Variants in SCARB1 observed in about 807,000 individuals in gnomAD.
The protein encoded by SCARB1 is CD36 and LIMPII analogous 1.
In SCARB1, 30 loss-of-function variants were observed where a neutral mutation model predicts 57.2. The observed-to-expected ratio is 0.52, with a 90% CI of 0.39 to 0.71. The LOEUF is 0.71. SCARB1 is among the 30% of genes least tolerant of loss of function. The pLI is 0.00. For synonymous variants in SCARB1, 249 were observed against 268.3 expected (o/e 0.93, Z 0.70); for missense variants, 543 against 671.2 (o/e 0.81, Z 2.11).
At chr12:124,840,809 C>T (rs1463884064) in intron 1 of SCARB1, among the ~76,000 whole-genome samples, 1 of 152,194 alleles carries the variant, frequency 6.6e-6, no homozygotes, top group Non-Finnish European at 1.5e-5. Context: ...ACCATCTTCT[C>T]TGCCTCCCCG....
intron 1 of SCARB1, among the ~76,000 whole-genome samples, chr12:124,829,634 C>G (rs1951307458): frequency 6.6e-6 from 1 of 152,350 alleles, no homozygotes; most frequent in African/African-American, 2.4e-5. Flanking sequence ...TGCACTGACT[C>G]TTTGCTCCTC....
chr12:124,780,182 G>A (rs1206828400), intron 12 of SCARB1, among the ~76,000 whole-genome samples: 2 of 152,160 alleles, frequency 1.3e-5, no homozygotes, highest in East Asian at 3.8e-4. Context: ...AAAGATCGGT[G>A]AGAAGCTAAG....
Position 124,800,073 on chromosome 12 carries a change from G to A in SCARB1, c.1128+51C>T. The A allele has an allele frequency of 7.4e-7, 1 of 1,358,850 alleles. No homozygotes were observed. The highest frequency in any genetic ancestry group is 1.1e-6 in the Non-Finnish European group (1 of 949,038). The allele number at this position is 1,358,850 out of a possible 1,614,324, so 84.2% of individuals were successfully genotyped here. The stretch of plus-strand genomic sequence containing the variant: ...CTGGGGAGAGAGGAGGCAGCCAGGT[G>A]TGCTCCAACCAGGAATCACCCACCC... On this transcript the variant is annotated intron_variant, in intron 8 of 12. Coordinates refer to ENST00000261693, the MANE Select transcript of SCARB1 (RefSeq NM_005505.5). The surrounding 1 kb of genome is among the most constrained non-coding windows in gnomAD (Gnocchi z 4.8).
Position 124,810,185 on chromosome 12 carries a change from C to T in SCARB1, c.831G>A (p.Pro277=), listed in dbSNP as rs547400313. The T allele has an allele frequency of 5.0e-4, 803 of 1,612,540 alleles. 9 individuals are homozygous for T. In the South Asian group the frequency reaches 7.3e-3, roughly 15 times the overall value. Residue 277 remains proline (P), a synonymous_variant, in exon 6 of 13, where the codon CCG becomes CCA. Transcript: ENST00000261693. This position sits in a 1 kb window ranked among gnomAD's most constrained non-coding sequence, Gnocchi z 4.0. Reference sequence around the variant, plus strand: ...GTCCCAGTGATTACCGGCAGGCCTCCGGGCTGTAGAACTCCAGCGAGGACT... The same window carrying T: ...GTCCCAGTGATTACCGGCAGGCCTCTGGGCTGTAGAACTCCAGCGAGGACT... ...TPESSLEFYS[P]EACRSMKLMY... is the part of the protein sequence containing the mutation.
intron 1 of SCARB1, among the ~76,000 whole-genome samples, chr12:124,835,314 A>G (rs1951597500): frequency 1.3e-5 from 2 of 151,520 alleles, no homozygotes; most frequent in South Asian, 2.1e-4. Flanking sequence ...GCTGGAGTGC[A>G]CTGGTGCAGT....
intron 1 of SCARB1, among the ~76,000 whole-genome samples, chr12:124,841,600 G>A (rs1467065854): frequency 1.3e-5 from 2 of 151,306 alleles, no homozygotes; most frequent in African/African-American, 4.9e-5. Flanking sequence ...CCACATGCCT[G>A]TCCCCTTTCA....
chr12:124,858,722 A>G (rs1364813394), intron 1 of SCARB1, among the ~76,000 whole-genome samples: 1 of 152,064 alleles, frequency 6.6e-6, no homozygotes, highest in Non-Finnish European at 1.5e-5. Context: ...CACTAAAAAT[A>G]CAAAAAACTA....
At chr12:124,787,740 G>A (rs1186644593) in intron 9 of SCARB1, among the ~76,000 whole-genome samples, 1 of 151,368 alleles carries the variant, frequency 6.6e-6, no homozygotes, top group Non-Finnish European at 1.5e-5. Context: ...TTGACAAGGT[G>A]AGATGTTTTC....
At chr12:124,786,923 G>T (rs1024875175) in intron 10 of SCARB1, among the ~76,000 whole-genome samples, 1 of 152,216 alleles carries the variant, frequency 6.6e-6, no homozygotes, top group African/African-American at 2.4e-5. Context: ...ACATTCGGAG[G>T]CTTGTTTGTC....
chr12:124,848,746 G>A (rs1952264894), intron 1 of SCARB1, among the ~76,000 whole-genome samples: 1 of 152,232 alleles, frequency 6.6e-6, no homozygotes, highest in Non-Finnish European at 1.5e-5. Flanking sequence ...CCGCACCGTG[G>A]AGCGTTTCCA....
At chr12:124,844,551 G>A (rs773611267) in intron 1 of SCARB1, among the ~76,000 whole-genome samples, 51 of 152,104 alleles carry the variant, frequency 3.4e-4, no homozygotes, top group Non-Finnish European at 6.3e-4. Context: ...CTTTAAATCG[G>A]TGATTACGTT....
chr12:124,846,335 A>G (rs971179004), intron 1 of SCARB1, among the ~76,000 whole-genome samples: 3 of 152,230 alleles, frequency 2.0e-5, no homozygotes, highest in Non-Finnish European at 4.4e-5. Context: ...CACGCACGCC[A>G]TGACCAGACC....
chr12:124,827,385 T>C (rs1951202470), intron 1 of SCARB1, among the ~76,000 whole-genome samples: 1 of 151,724 alleles, frequency 6.6e-6, no homozygotes. Flanking sequence ...AATTTACAGA[T>C]AACACCAGTA....
At chr12:124,823,829 A>G (rs1027925148) in intron 1 of SCARB1, among the ~76,000 whole-genome samples, 1 of 152,146 alleles carries the variant, frequency 6.6e-6, no homozygotes, top group Non-Finnish European at 1.5e-5. Context: ...ACTACTGCGT[A>G]AAAAAGAAAT....
intron 7 of SCARB1, among the ~76,000 whole-genome samples, chr12:124,804,374 G>A (rs1272908369): frequency 6.6e-6 from 1 of 152,212 alleles, no homozygotes; most frequent in African/African-American, 2.4e-5. Context: ...AACTGAGCTG[G>A]GACTTGGCAG....
chr12:124,790,335 T>G (rs1381116641), intron 9 of SCARB1, among the ~76,000 whole-genome samples: 1 of 152,160 alleles, frequency 6.6e-6, no homozygotes, highest in Non-Finnish European at 1.5e-5. Flanking sequence ...CTATAGATCA[T>G]GCCACTGTAC....
At chr12:124,837,625 G>A (rs1039669225) in intron 1 of SCARB1, among the ~76,000 whole-genome samples, 1 of 151,600 alleles carries the variant, frequency 6.6e-6, no homozygotes, top group Non-Finnish European at 1.5e-5. Context: ...AGTGCTGCAC[G>A]CCTGTAATCC....
intron 1 of SCARB1, chr12:124,862,557 C>T (rs1952941336): frequency 6.6e-6 from 1 of 152,182 alleles, no homozygotes; most frequent in African/African-American, 2.4e-5. Context: ...GAAACCCAGT[C>T]CAAAGAGGCA....
rs370582006 is a variant in SCARB1 at position 124,796,783 on chromosome 12, G to T, written c.1129-1515C>A. On this transcript the variant is annotated intron_variant, in intron 8 of 12. Coordinates refer to ENST00000261693, the MANE Select transcript of SCARB1 (RefSeq NM_005505.5). The surrounding 1 kb of genome is among the most constrained non-coding windows in gnomAD (Gnocchi z 4.0). ...AAAGGCCTCACTTACGCCCACGACT[G>T]GGGAGTGCTTGCCCTCGAGAGCCTG... Among the ~76,000 whole-genome samples, 12 of 152,298 alleles carry T rather than the reference G, an allele frequency of 7.9e-5. No individual in the cohort carries two copies. The East Asian group carries it at 2.1e-3, about 27-fold the overall frequency.
Sources: allele counts gnomAD v4.1 joint callset (sites outside exome capture counted in the v4.1 genomes callset), GRCh38; gene constraint gnomAD v4.1.1; non-coding constraint Gnocchi (gnomAD v3.1); transcripts MANE v1.5; gene names NCBI Gene and HGNC (gene_info 2026-07-23, HGNC 2026-07-21).